Variants in PKIG observed in about 807,000 individuals in gnomAD.
PKIG encodes cAMP-dependent protein kinase inhibitor gamma, also known as protein kinase (cAMP-dependent, catalytic) inhibitor gamma.
A neutral mutation model predicts 6.8 loss-of-function variants in PKIG; 1 was observed. The ratio of observed to expected loss-of-function variants is 0.15; its 90% CI spans 0.05 to 0.69. The LOEUF (loss-of-function observed/expected upper bound fraction) is 0.69. PKIG is among the 30% of genes least tolerant of loss of function. PKIG has a pLI of 0.82. For synonymous variants in PKIG, 39 were observed against 43.0 expected (o/e 0.91, Z 0.36); for missense variants, 77 against 104.0 (o/e 0.74, Z 1.13).
intron 2 of PKIG, among the ~76,000 whole-genome samples, chr20:44,613,681 T>G (rs2065239041): frequency 6.6e-6 from 1 of 152,162 alleles, no homozygotes; most frequent in Non-Finnish European, 1.5e-5. Context: ...TCTAGAATCC[T>G]TCCCACTGCC....
Position 44,618,400 on chromosome 20 carries a change from T to A in PKIG, c.*36T>A. The A allele has an allele frequency of 1.4e-6, 2 of 1,395,976 alleles. No individual in the cohort carries two copies. The highest frequency in any genetic ancestry group is 2.0e-6 in the Non-Finnish European group (2 of 980,876). 86.5% of individuals were successfully genotyped at this position (1,395,976 alleles called of 1,614,324 possible). A position where few individuals can be genotyped will look rare whatever the true frequency, so the allele number is the denominator to read the frequency against. On this transcript the variant is annotated 3_prime_UTR_variant, in exon 4 of 4. Coordinates refer to ENST00000372886, the MANE Select transcript of PKIG (RefSeq NM_001281445.2). ...GTCCAAGAAGGCTGGACGAGAGACC[T>A]TCTGTCCCCTCCCAGAGGGGGAACC...
chr20:44,562,529 G>C (rs1431057297), intron 1 of PKIG, among the ~76,000 whole-genome samples: 1 of 150,300 alleles, frequency 6.7e-6, no homozygotes, highest in East Asian at 2.0e-4. Flanking sequence ...TTGAGTCTTG[G>C]AGGGGGAGGC....
At chr20:44,577,971 G>A (rs139946428), upstream of PKIG, among the ~76,000 whole-genome samples, 252 of 152,188 alleles carry the variant, frequency 1.7e-3, no homozygotes, top group South Asian at 2.9e-3. Context: ...CATGAATGGC[G>A]TGATCCCCTC....
chr20:44,577,886 TC>T (rs2064912761), upstream of PKIG, among the ~76,000 whole-genome samples: 1 of 152,190 alleles, frequency 6.6e-6, no homozygotes, highest in East Asian at 1.9e-4. Context: ...CTGTTGGATG[TC>T]ATGTTGAAAT....
At position 44,576,309 on chromosome 20, in the gene PKIG, T is replaced by C. The variant is rs1259100318; in HGVS notation, c.-240-6276T>C. Among the ~76,000 whole-genome samples the C allele has an allele frequency of 2.0e-5, 3 of 152,048 alleles. No individual in the cohort carries two copies. The East Asian group carries it at 5.8e-4, about 29-fold the overall frequency. ...GACATACTGTTGACTTTGTGGAGCT[T>C]ACAGTCTGGTGGGGAAACACATGGA... On this transcript the variant is annotated intron_variant, in intron 1 of 4. Transcript: ENST00000372887.
At chr20:44,560,644 G>T (rs1182216870) in intron 1 of PKIG, among the ~76,000 whole-genome samples, 1 of 152,148 alleles carries the variant, frequency 6.6e-6, no homozygotes, top group Non-Finnish European at 1.5e-5. Flanking sequence ...TTTTTAGTTT[G>T]AATGGAACCC....
At chr20:44,562,920 G>A (rs1412364895) in intron 1 of PKIG, among the ~76,000 whole-genome samples, 2 of 152,060 alleles carry the variant, frequency 1.3e-5, no homozygotes, top group African/African-American at 2.4e-5. Context: ...TTAGCTGGGC[G>A]TGGTGGCCTG....
At chr20:44,532,151 C>T (rs2064472145) in intron 1 of PKIG, among the ~76,000 whole-genome samples, 1 of 152,210 alleles carries the variant, frequency 6.6e-6, no homozygotes, top group Non-Finnish European at 1.5e-5. Flanking sequence ...TGACCCCGCC[C>T]CGCGTTCAGG....
At chr20:44,537,333 C>A (rs1225160372) in intron 1 of PKIG, among the ~76,000 whole-genome samples, 1 of 152,044 alleles carries the variant, frequency 6.6e-6, no homozygotes, top group African/African-American at 2.4e-5. Context: ...GAACTCCCAA[C>A]CTCAGGTGAT....
upstream of PKIG, among the ~76,000 whole-genome samples, chr20:44,579,135 A>G (rs2064925657): frequency 2.6e-5 from 4 of 152,226 alleles, no homozygotes; most frequent in South Asian, 2.1e-4. Context: ...AAATGCTGCT[A>G]TATTAGACAC....
At chr20:44,591,397 G>C (rs547492549) in intron 2 of PKIG, among the ~76,000 whole-genome samples, 1 of 152,220 alleles carries the variant, frequency 6.6e-6, no homozygotes, top group South Asian at 2.1e-4. Context: ...TGTGAGTCAG[G>C]CTTAGGAAGG....
intron 1 of PKIG, among the ~76,000 whole-genome samples, chr20:44,535,060 A>G (rs559282867): frequency 4.1e-4 from 63 of 152,348 alleles, no homozygotes; most frequent in Non-Finnish European, 7.6e-4. Flanking sequence ...GATAGACAAA[A>G]AGCAATAGCT....
At chr20:44,598,862 C>A (rs1348609886) in intron 2 of PKIG, 1 of 152,090 alleles carries the variant, frequency 6.6e-6, no homozygotes, top group African/African-American at 2.4e-5. Context: ...GTAACACCGC[C>A]CTGCCAGTAG....
chr20:44,565,018 C>T (rs1182060639), intron 1 of PKIG, among the ~76,000 whole-genome samples: 1 of 152,142 alleles, frequency 6.6e-6, no homozygotes, highest in Non-Finnish European at 1.5e-5. Context: ...ACGTGTTGAC[C>T]TTGATACGAA....
At chr20:44,573,918 A>G (rs1464500365) in intron 1 of PKIG, among the ~76,000 whole-genome samples, 1 of 152,248 alleles carries the variant, frequency 6.6e-6, no homozygotes, top group Non-Finnish European at 1.5e-5. Context: ...AGTAACTGAT[A>G]GTAGCAACTG....
At chr20:44,585,545 A>G (rs994254182) in intron 1 of PKIG, among the ~76,000 whole-genome samples, 1 of 152,238 alleles carries the variant, frequency 6.6e-6, no homozygotes, top group Non-Finnish European at 1.5e-5. Flanking sequence ...AGAGTCTCAC[A>G]GCTGGCAGGG....
At chr20:44,542,965 A>G (rs573850776) in intron 1 of PKIG, among the ~76,000 whole-genome samples, 1 of 152,338 alleles carries the variant, frequency 6.6e-6, no homozygotes, top group Admixed American at 6.5e-5. Context: ...GGTTAGGAGA[A>G]CAGAATATTT....
At chr20:44,609,743 G>A (rs1006171688) in intron 2 of PKIG, among the ~76,000 whole-genome samples, 12 of 152,234 alleles carry the variant, frequency 7.9e-5, no homozygotes, top group Non-Finnish European at 1.2e-4. Context: ...CCGAGGACTC[G>A]GAGGCTCCGG....
At chr20:44,579,378 A>G (rs1334631497), upstream of PKIG, among the ~76,000 whole-genome samples, 1 of 152,248 alleles carries the variant, frequency 6.6e-6, no homozygotes, top group Non-Finnish European at 1.5e-5. Flanking sequence ...AAAACAGCCA[A>G]GTTTCCTGAA....
Sources: gnomAD v4.1 joint callset for allele counts (sites outside exome capture counted in the v4.1 genomes callset) on GRCh38, gnomAD v4.1.1 for gene constraint, MANE v1.5 for transcripts, NCBI Gene and HGNC (gene_info 2026-07-23, HGNC 2026-07-21) for gene names.